PRICKLE1: variants seen among roughly 807,000 people sequenced by gnomAD.
The protein encoded by PRICKLE1 is prickle-like protein 1.
PRICKLE1 carries 14 observed loss-of-function variants against 70.2 expected under a neutral mutation model. The ratio of observed to expected loss-of-function variants is 0.20; its 90% confidence interval spans 0.13 to 0.31. The LOEUF (loss-of-function observed/expected upper bound fraction) is 0.31, where lower values mean the gene tolerates loss of function less well. Ranked by LOEUF, PRICKLE1 falls within the 10% of genes least tolerant of loss-of-function variation. The pLI is 1.00. For synonymous variants in PRICKLE1, 357 were observed against 379.9 expected, an observed-to-expected ratio of 0.94 and a Z score of 0.70; for missense variants, 821 against 1,026.2, an observed-to-expected ratio of 0.80 and a Z score of 2.73.
chr12:42,496,393 C>T (rs1338300647), intron 1 of PRICKLE1, among the ~76,000 whole-genome samples: 1 of 152,180 alleles, frequency 6.6e-6, no homozygotes, highest in Non-Finnish European at 1.5e-5. Context: ...GTAGATTTAG[C>T]ATAATTCTTA....
At chr12:42,466,784 C>T (rs1938111101) in intron 5 of PRICKLE1, among the ~76,000 whole-genome samples, 1 of 151,242 alleles carries the variant, frequency 6.6e-6, no homozygotes, top group South Asian at 2.1e-4. Context: ...TGTCTGTGGA[C>T]TCAACACAGT....
intron 1 of PRICKLE1, among the ~76,000 whole-genome samples, chr12:42,552,944 T>C (rs1940343789): frequency 6.6e-6 from 1 of 152,144 alleles, no homozygotes; most frequent in South Asian, 2.1e-4. Context: ...ACAATAGAGT[T>C]TGAGCTCCTC....
chr12:42,548,116 G>T (rs1566122055), intron 1 of PRICKLE1, among the ~76,000 whole-genome samples: 1 of 151,864 alleles, frequency 6.6e-6, no homozygotes, highest in Non-Finnish European at 1.5e-5. Flanking sequence ...AAATTCCTGG[G>T]CTTACGAGAT....
At chr12:42,510,072 C>CAA (rs1296194430) in intron 1 of PRICKLE1, among the ~76,000 whole-genome samples, 5 of 128,504 alleles carry the variant, frequency 3.9e-5, no homozygotes, top group African/African-American at 1.4e-4. Context: ...GACTCTGTCT[C>CAA]AAAAAAAAAA....
At chr12:42,521,816 C>T (rs1157704623) in intron 1 of PRICKLE1, among the ~76,000 whole-genome samples, 2 of 152,084 alleles carry the variant, frequency 1.3e-5, no homozygotes, top group Non-Finnish European at 2.9e-5. Context: ...ATGTGAAGAA[C>T]ATGTCTACAT....
At chr12:42,465,298 T>C in intron 6 of PRICKLE1, 40 bp from the exon 7 acceptor site, 1 of 1,605,748 alleles carries the variant, frequency 6.2e-7, no homozygotes, top group East Asian at 2.2e-5. Flanking sequence ...GGTTATGGTT[T>C]AATGCCTGAA....
chr12:42,514,668 C>T (rs947788265), intron 1 of PRICKLE1, among the ~76,000 whole-genome samples: 11 of 152,070 alleles, frequency 7.2e-5, no homozygotes, highest in African/African-American at 2.7e-4. Flanking sequence ...CCCCTCGTGA[C>T]CTATTCCATT....
intron 1 of PRICKLE1, among the ~76,000 whole-genome samples, chr12:42,505,265 T>C (rs548074770): frequency 6.6e-6 from 1 of 152,324 alleles, no homozygotes; most frequent in Admixed American, 6.5e-5. Flanking sequence ...TCTGGATTTG[T>C]GTGAGTGTTT....
intron 1 of PRICKLE1, among the ~76,000 whole-genome samples, chr12:42,477,820 A>G (rs1938628652): frequency 6.6e-6 from 1 of 152,178 alleles, no homozygotes; most frequent in Admixed American, 6.5e-5. Context: ...AATCAGGTTT[A>G]AAAGTAGGCT....
intron 1 of PRICKLE1, among the ~76,000 whole-genome samples, chr12:42,575,422 C>T (rs1940787404): frequency 6.6e-6 from 1 of 152,140 alleles, no homozygotes; most frequent in South Asian, 2.1e-4. Context: ...GGGCCAGGCA[C>T]AGTGGCTCAC....
chr12:42,574,247 A>G (rs547595916), intron 1 of PRICKLE1, among the ~76,000 whole-genome samples: 12 of 152,366 alleles, frequency 7.9e-5, no homozygotes, highest in Admixed American at 7.2e-4. Flanking sequence ...GTGTGTGTTT[A>G]TAAATATAGC....
chr12:42,584,230 C>G (rs1308676518), intron 1 of PRICKLE1: 1 of 151,346 alleles, frequency 6.6e-6, no homozygotes, highest in African/African-American at 2.4e-5. Context: ...CATAGAGCCA[C>G]AAAAAGAAAA....
At chr12:42,478,080 C>A (rs919029907) in intron 1 of PRICKLE1, among the ~76,000 whole-genome samples, 1 of 151,868 alleles carries the variant, frequency 6.6e-6, no homozygotes, top group African/African-American at 2.4e-5. Context: ...CATTTTGCTC[C>A]ATTTGCTTTT....
intron 1 of PRICKLE1, among the ~76,000 whole-genome samples, chr12:42,480,798 G>A (rs1938765803): frequency 6.6e-6 from 1 of 152,184 alleles, no homozygotes; most frequent in Non-Finnish European, 1.5e-5. Flanking sequence ...AGATGGCAAT[G>A]GTGTCTGAAT....
At chr12:42,544,508 A>ATCTCCCT (rs1940172714) in intron 1 of PRICKLE1, among the ~76,000 whole-genome samples, 1 of 152,146 alleles carries the variant, frequency 6.6e-6, no homozygotes, top group Non-Finnish European at 1.5e-5. Context: ...CCCATCTCCC[A>ATCTCCCT]TAATGTTAAC....
intron 1 of PRICKLE1, among the ~76,000 whole-genome samples, chr12:42,532,721 C>T (rs1939941561): frequency 6.6e-6 from 1 of 151,982 alleles, no homozygotes; most frequent in Non-Finnish European, 1.5e-5. Flanking sequence ...CACGGTGAAA[C>T]CCCGTCTCTA....
At chr12:42,572,759 C>T (rs1474038278) in intron 1 of PRICKLE1, among the ~76,000 whole-genome samples, 5 of 151,960 alleles carry the variant, frequency 3.3e-5, no homozygotes, top group South Asian at 4.2e-4. Context: ...CCCAGGAAGT[C>T]GAGGCCGCAA....
chr12:42,538,595 GCT>G (rs1463463901), intron 1 of PRICKLE1, among the ~76,000 whole-genome samples: 3 of 152,150 alleles, frequency 2.0e-5, no homozygotes, highest in African/African-American at 4.8e-5. Context: ...CAAGATTCTA[GCT>G]CATCATTCTT....
At chr12:42,462,558 C>G (rs114371971) in intron 7 of PRICKLE1, among the ~76,000 whole-genome samples, 1 of 152,116 alleles carries the variant, frequency 6.6e-6, no homozygotes, top group Admixed American at 6.6e-5. Context: ...GCCTGGCAGA[C>G]AAAAGGTGCT....
Sources: gnomAD v4.1 joint callset for allele counts (sites outside exome capture counted in the v4.1 genomes callset) on GRCh38, gnomAD v4.1.1 for gene constraint, MANE v1.5 for transcripts, NCBI Gene and HGNC (gene_info 2026-07-23, HGNC 2026-07-21) for gene names.